SERBP1: variants seen among roughly 807,000 people sequenced by gnomAD.
SERBP1 encodes SERPINE1 mRNA-binding protein 1.
In SERBP1, 6 loss-of-function variants were observed where a neutral mutation model predicts 50.2. The observed-to-expected ratio is 0.12, with a 90% confidence interval of 0.07 to 0.24. SERBP1 has a LOEUF of 0.24. Ranked by LOEUF, SERBP1 falls within the 10% of genes least tolerant of loss-of-function variation. The probability of loss-of-function intolerance (pLI) is 1.00; values close to 1 mark genes in which losing one functional copy is unlikely to be tolerated. For missense variants in SERBP1, 346 were observed against 524.9 expected, an observed-to-expected ratio of 0.66 and a Z score of 3.33; for synonymous variants, 168 against 182.8, an observed-to-expected ratio of 0.92 and a Z score of 0.65.
At chr1:67,422,332 G>A (rs1557504877) in intron 5 of SERBP1, among the ~76,000 whole-genome samples, 1 of 151,854 alleles carries the variant, frequency 6.6e-6, no homozygotes, top group Non-Finnish European at 1.5e-5. Flanking sequence ...GACCAACATG[G>A]AGAAACCCAT....
chr1:67,408,180 C>T lies in SERBP1; in HGVS notation c.*5027G>A, dbSNP rs1343844653. ...GCAACTATTTAAGGATTAAGCCACA[C>T]AAGGTCAGAGTAATTGAGCACCTAG... On this transcript the variant is annotated 3_prime_UTR_variant, in exon 8 of 8. Transcript: ENST00000361219. 3.9e-5 allele frequency: 6 copies of T among 152,258 alleles called. No individual in the cohort carries two copies. The highest frequency in any genetic ancestry group is 7.4e-5 in the Non-Finnish European group (5 of 68,026). The allele number at this position is 152,258 out of a possible 1,614,324, so 9.4% of individuals were successfully genotyped here.
intron 2 of SERBP1, among the ~76,000 whole-genome samples, chr1:67,425,926 T>C (rs1307218660): frequency 6.6e-6 from 1 of 152,178 alleles, no homozygotes; most frequent in Non-Finnish European, 1.5e-5. Context: ...GACCAGCCAA[T>C]GCAATATATA....
At chr1:67,423,273 A>G (rs1225051413) in intron 5 of SERBP1, among the ~76,000 whole-genome samples, 5 of 149,444 alleles carry the variant, frequency 3.3e-5, no homozygotes, top group African/African-American at 1.2e-4. Flanking sequence ...CTCCAGCCTA[A>G]GCAACAAGAG....
Position 67,408,892 on chromosome 1 carries a change from G to A in SERBP1, c.*4315C>T, listed in dbSNP as rs1666723496. 6.6e-6 allele frequency: 1 copy of A among 152,100 alleles called. No homozygotes were observed. The highest frequency in any genetic ancestry group is 1.5e-5 in the Non-Finnish European group (1 of 68,034). 9.4% of individuals were successfully genotyped at this position (152,100 alleles called of 1,614,324 possible). ...TTGATTATATAGAGGTGTAAAGTATGCTTTAAAATTACTTCTAATTTCACA... is the reference window on the plus strand; with the variant it reads ...TTGATTATATAGAGGTGTAAAGTATACTTTAAAATTACTTCTAATTTCACA... On this transcript the variant is annotated 3_prime_UTR_variant, in exon 8 of 8. Transcript: ENST00000361219.
chr1:67,419,035 G>A (rs1028673048), intron 6 of SERBP1, among the ~76,000 whole-genome samples: 7 of 152,126 alleles, frequency 4.6e-5, no homozygotes, highest in Non-Finnish European at 8.8e-5. Context: ...ACACCCCAAA[G>A]CTTAAACGGA....
At chr1:67,423,963 G>A (rs779983213) in intron 5 of SERBP1, among the ~76,000 whole-genome samples, 2 of 152,038 alleles carry the variant, frequency 1.3e-5, no homozygotes, top group Non-Finnish European at 2.9e-5. Context: ...CAGGAGGAAC[G>A]CTTGAGCCCA....
At position 67,430,037 on chromosome 1, in the gene SERBP1, C is replaced by T. The variant is rs532051105; in HGVS notation, c.264G>A (p.Val88=). Residue 88 remains valine (V), a synonymous_variant, in exon 1 of 8, where the codon GTG becomes GTA. Transcript: ENST00000361219. ...RKNPLPPSVG[V]VDKKEETQPP... Reference sequence around the variant, plus strand: ...GCTGCGTCTCCTCTTTCTTGTCAACCACGCCAACGCTGGGGGGCAGCGGGT... The same window carrying T: ...GCTGCGTCTCCTCTTTCTTGTCAACTACGCCAACGCTGGGGGGCAGCGGGT... 2.5e-6 allele frequency: 4 copies of T among 1,612,766 alleles called. No individual in the cohort carries two copies. The African/African-American group carries it at 5.3e-5, about 22-fold the overall frequency.
chr1:67,426,994 G>A (rs1395107533), intron 1 of SERBP1, among the ~76,000 whole-genome samples: 2 of 152,088 alleles, frequency 1.3e-5, no homozygotes, highest in Admixed American at 1.3e-4. Context: ...CCCTATTAAA[G>A]TTTAAAATTT....
chr1:67,422,496 G>C (rs1345892769), intron 5 of SERBP1, among the ~76,000 whole-genome samples: 2 of 149,656 alleles, frequency 1.3e-5, no homozygotes, highest in Non-Finnish European at 1.5e-5. Context: ...GGCAACAAGA[G>C]CAAAACTCCA....
Position 67,413,216 on chromosome 1 carries a change from A to G in SERBP1, c.1173T>C (p.Ala391=), listed in dbSNP as rs1305786749. The G allele has an allele frequency of 1.2e-6, 2 of 1,600,278 alleles. No individual in the cohort carries two copies. The highest frequency in any genetic ancestry group is 1.7e-6 in the Non-Finnish European group (2 of 1,174,936). Residue 391 remains alanine (A), a synonymous_variant, in exon 8 of 8, where the codon GCT becomes GCC. Coordinates refer to ENST00000361219, the MANE Select transcript of SERBP1 (RefSeq NM_001018069.2). ...PDVDDPEAFP[A]LA is the part of the protein sequence containing the mutation. ...GTCTTATGGCATCCAGTTAAGCCAG[A>G]GCTGGGAATGCCTCTGGGTCATCCA...
intron 5 of SERBP1, 23 bp from the exon 6 acceptor site, chr1:67,420,209 T>C (rs1667156439): frequency 3.8e-6 from 6 of 1,573,354 alleles, no homozygotes; most frequent in Non-Finnish European, 5.2e-6. Context: ...TTTCAAGTTT[T>C]ATACCTGGTA....
chr1:67,427,142 A>C lies in SERBP1; in HGVS notation c.314-857T>G, dbSNP rs549585051. On this transcript the variant is annotated intron_variant, in intron 1 of 7. Transcript: ENST00000361219. The stretch of plus-strand genomic sequence containing the variant: ...TAACAACTATCTTTATTTTCAAAGA[A>C]TCTTTAAAAACCAAATACACACACG... Among the ~76,000 whole-genome samples the C allele has an allele frequency of 2.8e-3, 426 of 152,350 alleles. 4 individuals are homozygous for C. Among genetic ancestry groups the C allele is most frequent in the Middle Eastern group, 0.024 (7 of 294 alleles).
At chr1:67,424,362 T>C (rs1437818857) in intron 4 of SERBP1, 85 bp from the exon 5 acceptor site, 42 of 1,540,004 alleles carry the variant, frequency 2.7e-5, no homozygotes, top group Non-Finnish European at 3.6e-5. Flanking sequence ...TAGGTCCATT[T>C]ACATGTAGCT....
chr1:67,422,071 T>G (rs1379608098), intron 5 of SERBP1, among the ~76,000 whole-genome samples: 7 of 152,308 alleles, frequency 4.6e-5, no homozygotes, highest in African/African-American at 1.7e-4. Flanking sequence ...GCATAAATTT[T>G]TATTACCAAG....
intron 1 of SERBP1, among the ~76,000 whole-genome samples, chr1:67,427,041 C>G (rs965766657): frequency 2.0e-5 from 3 of 152,150 alleles, no homozygotes; most frequent in African/African-American, 7.2e-5. Flanking sequence ...GTACACACTC[C>G]CACATCCCTA....
chr1:67,427,359 T>C (rs1337933208), intron 1 of SERBP1, among the ~76,000 whole-genome samples: 1 of 152,240 alleles, frequency 6.6e-6, no homozygotes, highest in Admixed American at 6.5e-5. Context: ...GACTTTAAGA[T>C]TGTTGGTATG....
chr1:67,422,752 G>T lies in SERBP1; in HGVS notation c.773+1448C>A, dbSNP rs1009976479. On this transcript the variant is annotated intron_variant, in intron 5 of 7. Coordinates refer to ENST00000361219, the MANE Select transcript of SERBP1 (RefSeq NM_001018069.2). ...AGGCGGATGCATCACCTGAGGTCAGGAGTTCGAGACCAGCCTGGCCAACAT... is the reference window on the plus strand; with the variant it reads ...AGGCGGATGCATCACCTGAGGTCAGTAGTTCGAGACCAGCCTGGCCAACAT... Among the ~76,000 whole-genome samples the T allele has an allele frequency of 5.3e-5, 8 of 151,978 alleles. No homozygotes were observed. In the East Asian group the frequency reaches 9.7e-4, roughly 18 times the overall value.
At chr1:67,423,216 G>A (rs1438108398) in intron 5 of SERBP1, among the ~76,000 whole-genome samples, 6 of 150,260 alleles carry the variant, frequency 4.0e-5, no homozygotes, top group African/African-American at 9.8e-5. Flanking sequence ...GGAGAATCGC[G>A]TGAACCCGGG....
chr1:67,415,246 G>T lies in SERBP1; in HGVS notation c.1045C>A (p.Arg349Ser). The change falls in exon 7 of 8, where the codon CGC (arginine) becomes AGC (serine). Residue 349 changes from arginine to serine, a missense_variant. By Grantham distance (110) the Arg-to-Ser change is moderately radical (BLOSUM62 -1). Transcript: ENST00000361219. ...QLEINFGDLGRPGRGGRGGRG... is the reference protein window; with the variant it reads ...QLEINFGDLGSPGRGGRGGRG... Reference sequence around the variant, plus strand: ...CCTCCCCTGCCGCCACGTCCTGGGCGGCCAAGGTCTCCAAAATTGATCTCC... The same window carrying T: ...CCTCCCCTGCCGCCACGTCCTGGGCTGCCAAGGTCTCCAAAATTGATCTCC... 6.2e-7 allele frequency: 1 copy of T among 1,613,194 alleles called. No individual in the cohort carries two copies. Among genetic ancestry groups the T allele is most frequent in the Non-Finnish European group, 8.5e-7 (1 of 1,179,546 alleles).
Sources: allele counts gnomAD v4.1 joint callset (sites outside exome capture counted in the v4.1 genomes callset), GRCh38; gene constraint gnomAD v4.1.1; transcripts MANE v1.5; gene names NCBI Gene and HGNC (gene_info 2026-07-23, HGNC 2026-07-21).